CUL2: variants seen among roughly 807,000 people sequenced by gnomAD.
CUL2 encodes the protein cullin-2.
In CUL2, 22 loss-of-function variants were observed where a neutral mutation model predicts 110.2. The observed-to-expected ratio is 0.20, with a 90% CI of 0.14 to 0.28. The LOEUF (loss-of-function observed/expected upper bound fraction) is 0.28. Among genes scored for constraint, CUL2 ranks in the 10% least tolerant of loss-of-function variants. The pLI is 1.00. For synonymous variants in CUL2, 279 were observed against 293.2 expected, an observed-to-expected ratio of 0.95 and a Z score of 0.49; for missense variants, 631 against 905.5, an observed-to-expected ratio of 0.70 and a Z score of 3.89.
At chr10:35,033,511 C>A (rs556435111) in intron 10 of CUL2, among the ~76,000 whole-genome samples, 4 of 151,756 alleles carry the variant, frequency 2.6e-5, no homozygotes, top group Non-Finnish European at 4.4e-5. Flanking sequence ...CTGAGGCGGG[C>A]GGATCATGAG....
At chr10:35,050,943 T>C (rs192470542) in intron 5 of CUL2, among the ~76,000 whole-genome samples, 23 of 152,344 alleles carry the variant, frequency 1.5e-4, no homozygotes, top group Admixed American at 1.4e-3. Context: ...AGCACAAGAT[T>C]TCCCATTAGT....
intron 1 of CUL2, among the ~76,000 whole-genome samples, chr10:35,081,518 A>T (rs2086947131): frequency 6.6e-6 from 1 of 152,214 alleles, no homozygotes; most frequent in South Asian, 2.1e-4. Context: ...TGAGTCCTTC[A>T]TGACTAGGCA....
intron 19 of CUL2, among the ~76,000 whole-genome samples, 168 bp from the exon 20 acceptor site, chr10:35,012,132 C>G (rs1343024984): frequency 6.6e-6 from 1 of 151,402 alleles, no homozygotes; most frequent in African/African-American, 2.4e-5. Flanking sequence ...CAGCTCACCG[C>G]AACCTCCATC....
At chr10:35,079,269 G>A (rs2086891582) in intron 1 of CUL2, among the ~76,000 whole-genome samples, 1 of 152,208 alleles carries the variant, frequency 6.6e-6, no homozygotes, top group South Asian at 2.1e-4. Flanking sequence ...GTGAAGGTGT[G>A]AGACAATACA....
chr10:35,034,097 A>T (rs1564709218), intron 10 of CUL2, among the ~76,000 whole-genome samples: 1 of 152,220 alleles, frequency 6.6e-6, no homozygotes, highest in East Asian at 1.9e-4. Context: ...TTTCCCTCTT[A>T]ATGGAGATAA....
intron 14 of CUL2, among the ~76,000 whole-genome samples, chr10:35,030,798 C>T (rs1285275478): frequency 4.1e-5 from 6 of 147,060 alleles, no homozygotes; most frequent in African/African-American, 1.2e-4. Flanking sequence ...GAGGCTGAGG[C>T]GGGAGGATCG....
intron 1 of CUL2, among the ~76,000 whole-genome samples, chr10:35,115,221 C>T (rs2087579132): frequency 6.6e-6 from 1 of 150,442 alleles, no homozygotes; most frequent in South Asian, 2.1e-4. Flanking sequence ...CTGGGCAACA[C>T]AGCAAGATTC....
At position 35,081,247 on chromosome 10, in the gene CUL2, C is replaced by T. The variant is rs549127673; in HGVS notation, c.-23+8932G>A. On this transcript the variant is annotated intron_variant, in intron 1 of 20. Transcript: ENST00000374749. ...GTCACAAAAAAGCAGCTACCTGCTT[C>T]CAAAAATAAACCCACTGCACCAGAA... 4.9e-4 allele frequency among the ~76,000 whole-genome samples: 75 copies of T among 152,138 alleles called. 1 individual carries two copies. The highest frequency in any genetic ancestry group is 1.5e-3 in the South Asian group (7 of 4,816).
At chr10:35,015,750 C>T (rs2085011932) in intron 18 of CUL2, among the ~76,000 whole-genome samples, 1 of 152,062 alleles carries the variant, frequency 6.6e-6, no homozygotes, top group African/African-American at 2.4e-5. Flanking sequence ...TAATTGAGTG[C>T]TGACATTAAG....
chr10:35,103,317 TTTTTTTTTTTTTTTTA>T (rs1564753903), intron 1 of CUL2, among the ~76,000 whole-genome samples: 2 of 109,344 alleles, frequency 1.8e-5, no homozygotes, highest in African/African-American at 4.1e-5. Flanking sequence ...AATTTTTTTT[TTTTTTTTTTTTTTTTA>T]TTTTTTTTTG....
chr10:35,013,328 G>C lies in CUL2; in HGVS notation c.1989+371C>G, dbSNP rs918951183. On this transcript the variant is annotated intron_variant, in intron 19 of 20. Coordinates refer to ENST00000374749, the MANE Select transcript of CUL2 (RefSeq NM_003591.4). ...CCACTGCACTCCAGCCTGGGCGAGA[G>C]AGCAAGACTCCGTCTCAAAAAAAAA... is the stretch of plus-strand genomic sequence containing the variant. 4.9e-5 allele frequency among the ~76,000 whole-genome samples: 7 copies of C among 142,078 alleles called. No homozygotes were observed. The South Asian group carries it at 1.1e-3, about 23-fold the overall frequency. 93.2% of individuals were successfully genotyped at this position (142,078 alleles called of 152,430 possible). A position where few individuals can be genotyped will look rare whatever the true frequency, so the allele number is the denominator to read the frequency against.
intron 3 of CUL2, among the ~76,000 whole-genome samples, chr10:35,061,774 T>C (rs1468886335): frequency 1.3e-5 from 2 of 151,232 alleles, no homozygotes; most frequent in Non-Finnish European, 3.0e-5. Context: ...TGAGGGTTTT[T>C]TTTTTTTTTT....
At position 35,025,218 on chromosome 10, in the gene CUL2, AC is replaced by A. The variant is rs760878655; in HGVS notation, c.1618-21del. On this transcript the variant is annotated intron_variant, in intron 16 of 20. Transcript: ENST00000374749. ...TTCAAACTGTAAAAAAAAAAAAAAAACACACATTATTTTTAGCTACTATAAC... is the reference window on the plus strand; with the variant it reads ...TTCAAACTGTAAAAAAAAAAAAAAAAACACATTATTTTTAGCTACTATAAC... 342 of 1,480,066 alleles carry A rather than the reference AC, an allele frequency of 2.3e-4. No individual in the cohort carries two copies. The highest frequency in any genetic ancestry group is 1.8e-3 in the South Asian group (140 of 76,888). 91.7% of individuals were successfully genotyped at this position (1,480,066 alleles called of 1,614,324 possible). A position where few individuals can be genotyped will look rare whatever the true frequency, so the allele number is the denominator to read the frequency against.
Position 35,082,468 on chromosome 10 carries a change from TG to T in CUL2, c.-23+7710del, listed in dbSNP as rs531331789. 4.7e-4 allele frequency among the ~76,000 whole-genome samples: 71 copies of T among 152,106 alleles called. 1 individual carries two copies. In the South Asian group the frequency reaches 0.014, roughly 30 times the overall value. ...AGTAACGAAAAAGTTTTGGAAATGG[TG>T]GTTTTGGAAATGGTGGTGAGGGTCA... On this transcript the variant is annotated intron_variant, in intron 1 of 20. Transcript: ENST00000374749.
At chr10:35,082,379 T>G (rs147710520) in intron 1 of CUL2, among the ~76,000 whole-genome samples, 1 of 152,136 alleles carries the variant, frequency 6.6e-6, no homozygotes, top group African/African-American at 2.4e-5. Flanking sequence ...GGATGAGATG[T>G]TATCAGATGC....
intron 6 of CUL2, among the ~76,000 whole-genome samples, chr10:35,048,958 T>C (rs931839511): frequency 6.6e-6 from 1 of 152,148 alleles, no homozygotes; most frequent in Non-Finnish European, 1.5e-5. Context: ...TGAGCACAGA[T>C]ATAGGTGGAG....
upstream of CUL2, among the ~76,000 whole-genome samples, chr10:35,095,338 GAAA>G (rs1246127645): frequency 5.4e-5 from 6 of 110,322 alleles, no homozygotes; most frequent in Admixed American, 3.5e-4. Flanking sequence ...AAAAAAAAAA[GAAA>G]GAAAGAAATA....
intron 1 of CUL2, among the ~76,000 whole-genome samples, chr10:35,112,305 C>T (rs1200592395): frequency 1.3e-5 from 2 of 152,166 alleles, no homozygotes; most frequent in Non-Finnish European, 2.9e-5. Context: ...AGACAGAGTA[C>T]ATAAAACAAT....
intron 20 of CUL2, 145 bp downstream of exon 20, chr10:35,011,703 A>T (rs754601261): frequency 1.8e-5 from 10 of 567,716 alleles, no homozygotes; most frequent in African/African-American, 3.8e-5. Context: ...GTGAGTGAGT[A>T]CGATTCTGAT....
Sources: gnomAD v4.1 joint callset for allele counts (sites outside exome capture counted in the v4.1 genomes callset) on GRCh38, gnomAD v4.1.1 for gene constraint, MANE v1.5 for transcripts, NCBI Gene and HGNC (gene_info 2026-07-23, HGNC 2026-07-21) for gene names.